Variants in CAMK2B observed in about 807,000 individuals in gnomAD.
The protein encoded by CAMK2B is calcium/calmodulin dependent protein kinase II beta, also known as calcium/calmodulin-dependent protein kinase type II subunit beta.
CAMK2B carries 27 observed loss-of-function variants against 93.7 expected under a neutral mutation model. The ratio of observed to expected loss-of-function variants is 0.29; its 90% CI spans 0.21 to 0.40. The LOEUF is 0.40. Ranked by LOEUF, CAMK2B falls within the 10% of genes least tolerant of loss-of-function variation. The pLI is 1.00. For synonymous variants in CAMK2B, 374 were observed against 358.8 expected (o/e 1.04, Z -0.48); for missense variants, 568 against 895.8 (o/e 0.63, Z 4.67).
chr7:44,234,760 A>G lies in CAMK2B; in HGVS notation c.1022-84T>C, dbSNP rs1583970124. On this transcript the variant is annotated intron_variant, in intron 13 of 23. Transcript: ENST00000395749. ...CAACCCCACCCCTTTGCCTGACCCC[A>G]CTCTTTCCCCAGGAGCAAGCCCAGG... is the stretch of plus-strand genomic sequence containing the variant. The G allele has an allele frequency of 4.2e-6, 6 of 1,433,574 alleles. No homozygotes were observed. In the East Asian group the frequency reaches 1.4e-4, roughly 34 times the overall value. 88.8% of individuals were successfully genotyped at this position (1,433,574 alleles called of 1,614,324 possible). A position where few individuals can be genotyped will look rare whatever the true frequency, so the allele number is the denominator to read the frequency against.
rs2096969698 is a variant in CAMK2B, at chr7:44,271,026, C to A, written c.161-7962G>T. Among the ~76,000 whole-genome samples, 1 of 152,178 alleles carries A rather than the reference C, an allele frequency of 6.6e-6. No homozygotes were observed. The highest frequency in any genetic ancestry group is 2.1e-4 in the South Asian group (1 of 4,830). On this transcript the variant is annotated intron_variant, in intron 2 of 23. Transcript: ENST00000395749. This position sits in a 1 kb window ranked among gnomAD's most constrained non-coding sequence, Gnocchi z 4.2. ...CTCCACCTCCCGGGTTCAAGTGATT[C>A]TCCCATGTCAGCCTCTCCAGTAGCT...
At chr7:44,285,982 A>G (rs907577423) in intron 1 of CAMK2B, among the ~76,000 whole-genome samples, 9 of 152,206 alleles carry the variant, frequency 5.9e-5, no homozygotes, top group African/African-American at 1.9e-4. Flanking sequence ...TAATGTTTTT[A>G]AAGAAAAATA....
chr7:44,284,887 C>G (rs182937153), intron 1 of CAMK2B, among the ~76,000 whole-genome samples: 16 of 152,060 alleles, frequency 1.1e-4, no homozygotes, highest in Non-Finnish European at 4.4e-5. Context: ...AGAGTAAGGG[C>G]GAAGGGACAT....
chr7:44,240,391 T>A (rs966677500), intron 12 of CAMK2B, among the ~76,000 whole-genome samples: 2 of 152,068 alleles, frequency 1.3e-5, no homozygotes, highest in Non-Finnish European at 2.9e-5. Flanking sequence ...GCCACATAGA[T>A]GCCCGACAAA....
chr7:44,282,201 A>G (rs2097107650), intron 2 of CAMK2B, among the ~76,000 whole-genome samples: 2 of 152,220 alleles, frequency 1.3e-5, no homozygotes, highest in Non-Finnish European at 2.9e-5. Flanking sequence ...CACAGGCACA[A>G]CTGAGCACCG....
intron 2 of CAMK2B, among the ~76,000 whole-genome samples, chr7:44,270,071 C>T (rs893594114): frequency 3.2e-4 from 48 of 149,908 alleles, no homozygotes; most frequent in African/African-American, 1.1e-3. Context: ...TGCTCAAGAA[C>T]GTACCCCCCC....
chr7:44,232,421 C>A (rs2096588032), intron 16 of CAMK2B, among the ~76,000 whole-genome samples: 1 of 152,124 alleles, frequency 6.6e-6, no homozygotes, highest in Non-Finnish European at 1.5e-5. Flanking sequence ...GAGGGAGGGT[C>A]TGCTCAGCAG....
At chr7:44,228,377 G>A (rs1258581424) in intron 19 of CAMK2B, among the ~76,000 whole-genome samples, 7 of 152,128 alleles carry the variant, frequency 4.6e-5, no homozygotes, top group African/African-American at 1.7e-4. Flanking sequence ...AGGAACCAGG[G>A]TGGCCCTGAG....
At chr7:44,323,728 C>CA (rs1796747737) in intron 1 of CAMK2B, 1 of 154,980 alleles carries the variant, frequency 6.5e-6, no homozygotes, top group South Asian at 2.0e-4. Flanking sequence ...GCAGAAAAGA[C>CA]AACAAGAAGG....
In CAMK2B at chr7:44,234,437, T is replaced by C; in HGVS notation, c.1084A>G (p.Ser362Gly). 1.3e-6 allele frequency: 2 copies of C among 1,553,474 alleles called. No individual in the cohort carries two copies. The highest frequency in any genetic ancestry group is 1.7e-6 in the Non-Finnish European group (2 of 1,153,612). Residue 362 changes from serine to glycine, a missense_variant, in exon 15 of 24, where the codon AGT becomes GGT. Ser to Gly is a moderately conservative substitution (Grantham distance 56). Around this residue, in one of 4 missense-constraint regions of CAMK2B, gnomAD observed 308 missense variants for 292.1 expected, o/e 1.05. Transcript: ENST00000395749. ...CCTTTGGGGCTGGTGGCGGCTGCAC[T>C]GTTTTTGGTGCTATTCGTCTGGGGC... is the stretch of plus-strand genomic sequence containing the variant. ...VKPQTNSTKN[S>G]AAATSPKGTL...
In CAMK2B at chr7:44,229,100, G is replaced by A. The variant is rs538196537; in HGVS notation, c.1340-176C>T. 1.7e-4 allele frequency: 121 copies of A among 715,374 alleles called. 2 individuals carry two copies. The South Asian group carries it at 1.9e-3, about 11-fold the overall frequency. 44.3% of individuals were successfully genotyped at this position (715,374 alleles called of 1,614,324 possible). On this transcript the variant is annotated intron_variant, in intron 18 of 23. Transcript: ENST00000395749. ...AGCCCCCCCGCCCGCAAGCTGAGGT[G>A]GAGTGAGGCCTGCACCGACCCTGAA...
chr7:44,310,076 G>C (rs75461969), intron 1 of CAMK2B, among the ~76,000 whole-genome samples: 1 of 152,226 alleles, frequency 6.6e-6, no homozygotes, highest in African/African-American at 2.4e-5. Context: ...AGACCGGGCG[G>C]GGGCGGGGGC....
intron 1 of CAMK2B, among the ~76,000 whole-genome samples, chr7:44,296,418 C>T (rs948292243): frequency 1.3e-5 from 2 of 151,604 alleles, no homozygotes; most frequent in African/African-American, 4.9e-5. Context: ...ATGAAAAAGA[C>T]AAAACAAAAT....
chr7:44,309,979 G>A (rs1793075767), intron 1 of CAMK2B, among the ~76,000 whole-genome samples: 1 of 152,222 alleles, frequency 6.6e-6, no homozygotes, highest in South Asian at 2.1e-4. Context: ...GGACACGCGG[G>A]AAGAGCCTTT....
intron 6 of CAMK2B, among the ~76,000 whole-genome samples, chr7:44,243,936 C>T (rs1243349353): frequency 6.6e-6 from 1 of 152,176 alleles, no homozygotes; most frequent in African/African-American, 2.4e-5. Context: ...CCATGGCCCT[C>T]GGACTCCCAC....
intron 5 of CAMK2B, among the ~76,000 whole-genome samples, chr7:44,252,845 A>G (rs1056798191): frequency 1.2e-4 from 19 of 152,232 alleles, no homozygotes; most frequent in African/African-American, 4.3e-4. Context: ...TTGTCTTCTA[A>G]GTAGAATATA....
chr7:44,287,013 G>T (rs1205352973), intron 1 of CAMK2B, among the ~76,000 whole-genome samples: 1 of 152,134 alleles, frequency 6.6e-6, no homozygotes, highest in Non-Finnish European at 1.5e-5. Flanking sequence ...CCTGCTCTTG[G>T]ACACAGGCCT....
chr7:44,230,098 C>G (rs532994135), intron 17 of CAMK2B: 3 of 152,536 alleles, frequency 2.0e-5, no homozygotes, highest in Admixed American at 6.5e-5. Context: ...CTCAGCACCC[C>G]ACTCGGCTGA....
intron 20 of CAMK2B, chr7:44,226,054 G>T: frequency 2.1e-6 from 1 of 484,098 alleles, no homozygotes; most frequent in Non-Finnish European, 3.4e-6. Context: ...ATCCCCACCT[G>T]CTCCCTGCTG....
Sources: gnomAD v4.1 joint callset for allele counts (sites outside exome capture counted in the v4.1 genomes callset) on GRCh38, gnomAD v4.1.1 for gene constraint, gnomAD v4.1.1 regional missense constraint, Gnocchi (gnomAD v3.1) non-coding constraint, MANE v1.5 for transcripts, NCBI Gene and HGNC (gene_info 2026-07-23, HGNC 2026-07-21) for gene names.